The following ASPH variants were observed in gnomAD, a reference collection of about 807,000 sequenced individuals.
ASPH encodes aspartate beta-hydroxylase, also known as aspartyl/asparaginyl beta-hydroxylase.
ASPH carries 100 observed loss-of-function variants against 118.4 expected under a neutral mutation model. The observed-to-expected ratio is 0.84, with a 90% CI of 0.72 to 1.00. The LOEUF (loss-of-function observed/expected upper bound fraction) is 1.00. Ranked by LOEUF, ASPH falls within the 50% of genes least tolerant of loss-of-function variation. ASPH has a pLI of 0.00. For missense variants in ASPH, 920 were observed against 919.5 expected (o/e 1.00, Z -0.01); for synonymous variants, 315 against 325.6 (o/e 0.97, Z 0.35).
chr8:61,646,610 T>G, intron 6 of ASPH, 140 bp downstream of exon 6: 1 of 1,004,862 alleles, frequency 1.0e-6, no homozygotes, highest in Non-Finnish European at 1.3e-6. Flanking sequence ...AAAATTTGCT[T>G]TAATTGAAGC....
In ASPH at chr8:61,626,368, C is replaced by T. The variant is rs552388687; in HGVS notation, c.934+7315G>A. The T allele has an allele frequency of 3.6e-4, 485 of 1,335,278 alleles. 5 individuals carry two copies. In the South Asian group the frequency reaches 9.5e-3, roughly 26 times the overall value. 82.7% of individuals were successfully genotyped at this position (1,335,278 alleles called of 1,614,324 possible). A position where few individuals can be genotyped will look rare whatever the true frequency, so the allele number is the denominator to read the frequency against. ...CATTTTCATTCTACTTTTTAAAAAA[C>T]CCACCAACAAAGTAATTTTTTTTTT... On this transcript the variant is annotated intron_variant, in intron 13 of 24. Transcript: ENST00000379454.
At chr8:61,644,040 T>A in intron 7 of ASPH, 39 bp from the exon 8 acceptor site, 2 of 1,452,590 alleles carry the variant, frequency 1.4e-6, no homozygotes, top group Non-Finnish European at 1.9e-6. Context: ...ACGTCTCAAA[T>A]AAGGAATACA....
intron 14 of ASPH, among the ~76,000 whole-genome samples, chr8:61,604,831 G>A (rs531505902): frequency 1.3e-5 from 2 of 152,202 alleles, no homozygotes; most frequent in Non-Finnish European, 2.9e-5. Context: ...GCACAATCAG[G>A]CAGACTCAGG....
rs576515252 is a variant in ASPH, at chr8:61,584,516, G to A, written c.977-487C>T. Among the ~76,000 whole-genome samples, 244 of 152,206 alleles carry A rather than the reference G, an allele frequency of 1.6e-3. 5 individuals carry two copies. In the South Asian group the frequency reaches 0.02, roughly 12 times the overall value. ...TTCAAGGTCCTTCCAGTGCATCCTGGACTGACCACCCCAGCTATGTTCCAT... is the reference window on the plus strand; with the variant it reads ...TTCAAGGTCCTTCCAGTGCATCCTGAACTGACCACCCCAGCTATGTTCCAT... On this transcript the variant is annotated intron_variant, in intron 14 of 24. Coordinates refer to ENST00000379454, the MANE Select transcript of ASPH (RefSeq NM_004318.4).
intron 3 of ASPH, among the ~76,000 whole-genome samples, chr8:61,666,686 TC>T (rs1435999207): frequency 6.6e-6 from 1 of 152,176 alleles, no homozygotes; most frequent in Non-Finnish European, 1.5e-5. Context: ...ACATAGGGTT[TC>T]TCCATTAACT....
chr8:61,620,963 T>C (rs1425312824), intron 13 of ASPH, among the ~76,000 whole-genome samples: 9 of 152,216 alleles, frequency 5.9e-5, no homozygotes, highest in Admixed American at 5.9e-4. Flanking sequence ...AAGGTGCTGA[T>C]CCCGATGTGG....
At chr8:61,545,116 C>T (rs1440816160) in intron 21 of ASPH, among the ~76,000 whole-genome samples, 2 of 152,120 alleles carry the variant, frequency 1.3e-5, no homozygotes, top group East Asian at 1.9e-4. Flanking sequence ...GTGGTCTGAA[C>T]GTTTGTGTCC....
intron 3 of ASPH, chr8:61,676,205 A>C: frequency 1.3e-6 from 2 of 1,598,878 alleles, no homozygotes; most frequent in Non-Finnish European, 1.7e-6. Context: ...AGGAGTCATT[A>C]TATCATAGAG....
At chr8:61,511,250 A>G (rs1386329961) in intron 24 of ASPH, among the ~76,000 whole-genome samples, 1 of 152,228 alleles carries the variant, frequency 6.6e-6, no homozygotes, top group Admixed American at 6.5e-5. Flanking sequence ...AGAATTCTAT[A>G]GGATTAAATG....
chr8:61,675,563 C>T (rs1824839069), intron 3 of ASPH: 1 of 979,592 alleles, frequency 1.0e-6, no homozygotes, highest in Non-Finnish European at 1.2e-6. Context: ...AAACAAATTA[C>T]AATAAAAAAT....
chr8:61,621,273 T>C (rs1850803577), intron 13 of ASPH, among the ~76,000 whole-genome samples: 2 of 150,016 alleles, frequency 1.3e-5, no homozygotes, highest in African/African-American at 2.5e-5. Flanking sequence ...ATAATAGTAA[T>C]ACTTTGCATT....
chr8:61,614,445 G>T (rs1425056863), intron 14 of ASPH, among the ~76,000 whole-genome samples: 1 of 152,116 alleles, frequency 6.6e-6, no homozygotes. Flanking sequence ...GCACATTTTT[G>T]TGTTCAGTGA....
chr8:61,682,467 G>A (rs763391465), intron 2 of ASPH: 3 of 1,612,716 alleles, frequency 1.9e-6, no homozygotes, highest in East Asian at 2.2e-5. Context: ...AGTTATAACG[G>A]AAGTCCTTTG....
intron 4 of ASPH, among the ~76,000 whole-genome samples, 159 bp downstream of exon 4, chr8:61,653,409 A>G (rs549965989): frequency 1.3e-5 from 2 of 152,364 alleles, no homozygotes; most frequent in African/African-American, 4.8e-5. Flanking sequence ...TCCAATTTCT[A>G]CTAGAAAAAT....
At chr8:61,579,525 A>G in intron 15 of ASPH, 1 of 1,558,656 alleles carries the variant, frequency 6.4e-7, no homozygotes, top group Non-Finnish European at 8.8e-7. Context: ...CCCCGGCCTC[A>G]GCTACGGCCT....
rs111377186 is a variant in ASPH, at chr8:61,635,896, G to C, written c.889+2051C>G. ...TTCCGTTCTTGCTCCATTCAATCTAGTGAAAGTAATTCACTTTCACATCTA... is the reference window on the plus strand; with the variant it reads ...TTCCGTTCTTGCTCCATTCAATCTACTGAAAGTAATTCACTTTCACATCTA... On this transcript the variant is annotated intron_variant, in intron 12 of 24. Coordinates refer to ENST00000379454, the MANE Select transcript of ASPH (RefSeq NM_004318.4). Among the ~76,000 whole-genome samples, 624 of 152,104 alleles carry C rather than the reference G, an allele frequency of 4.1e-3. 6 individuals are homozygous for C. Among genetic ancestry groups the C allele is most frequent in the African/African-American group, 0.014 (574 of 41,504 alleles).
chr8:61,664,248 C>G (rs1261338940), intron 3 of ASPH: 1 of 967,486 alleles, frequency 1.0e-6, no homozygotes, highest in African/African-American at 1.8e-5. Context: ...GAAGAGATTA[C>G]ATTTGCAATT....
chr8:61,526,136 C>T (rs1207723179), intron 21 of ASPH, 24 bp from the exon 22 acceptor site: 1 of 1,613,210 alleles, frequency 6.2e-7, no homozygotes, highest in South Asian at 1.1e-5. Context: ...TCTGGCTTTA[C>T]TGGACTGAAA....
intron 24 of ASPH, among the ~76,000 whole-genome samples, chr8:61,505,385 C>T (rs1329126423): frequency 3.3e-5 from 5 of 151,498 alleles, no homozygotes; most frequent in African/African-American, 4.9e-5. Flanking sequence ...ATCCCAGCTA[C>T]TCAGGAGGCT....
Sources: gnomAD v4.1 joint callset for allele counts (sites outside exome capture counted in the v4.1 genomes callset) on GRCh38, gnomAD v4.1.1 for gene constraint, MANE v1.5 for transcripts, NCBI Gene and HGNC (gene_info 2026-07-23, HGNC 2026-07-21) for gene names.